ARHGAP25: variants seen among roughly 807,000 people sequenced by gnomAD.
ARHGAP25 encodes the protein rho GTPase-activating protein 25.
A neutral mutation model predicts 71.0 loss-of-function variants in ARHGAP25; 34 were observed. The ratio of observed to expected loss-of-function variants is 0.48; its 90% confidence interval spans 0.36 to 0.64. The LOEUF is 0.64. Ranked by LOEUF, ARHGAP25 falls within the 30% of genes least tolerant of loss-of-function variation. The pLI is 0.00. For synonymous variants in ARHGAP25, 282 were observed against 296.5 expected (o/e 0.95, Z 0.50); for missense variants, 706 against 805.1 (o/e 0.88, Z 1.49).
At chr2:68,816,470 A>G (rs1055141205) in intron 7 of ARHGAP25, 108 bp downstream of exon 7, 1 of 858,638 alleles carries the variant, frequency 1.2e-6, no homozygotes, top group Non-Finnish European at 1.9e-6. Flanking sequence ...CTGGTCTAGC[A>G]CTTTGGAAGA....
At chr2:68,747,479 T>G (rs1675904930) in intron 1 of ARHGAP25, among the ~76,000 whole-genome samples, 2 of 152,228 alleles carry the variant, frequency 1.3e-5, no homozygotes. Flanking sequence ...TCTGTGAAGC[T>G]GGCTCCGGTC....
intron 2 of ARHGAP25, among the ~76,000 whole-genome samples, chr2:68,777,514 T>C (rs1362861640): frequency 6.6e-6 from 1 of 152,234 alleles, no homozygotes; most frequent in Non-Finnish European, 1.5e-5. Flanking sequence ...TTCTCCTCCT[T>C]ACTTCTGGGA....
At chr2:68,768,076 G>A (rs1327643825) in intron 1 of ARHGAP25, among the ~76,000 whole-genome samples, 1 of 152,178 alleles carries the variant, frequency 6.6e-6, no homozygotes, top group Non-Finnish European at 1.5e-5. Flanking sequence ...GCTTAGGTAT[G>A]GATATTGGGC....
At chr2:68,763,539 A>T (rs1309588860) in intron 1 of ARHGAP25, among the ~76,000 whole-genome samples, 1 of 152,240 alleles carries the variant, frequency 6.6e-6, no homozygotes, top group Non-Finnish European at 1.5e-5. Context: ...TATAACTAAC[A>T]TTTAATATAA....
intron 1 of ARHGAP25, among the ~76,000 whole-genome samples, chr2:68,770,150 G>A (rs886728177): frequency 2.6e-4 from 40 of 152,182 alleles, no homozygotes; most frequent in Admixed American, 2.2e-3. Context: ...TTGGGCATGT[G>A]TGTCAGTGTT....
At chr2:68,803,060 T>C (rs775038272) in intron 4 of ARHGAP25, among the ~76,000 whole-genome samples, 2 of 152,146 alleles carry the variant, frequency 1.3e-5, no homozygotes, top group Non-Finnish European at 2.9e-5. Flanking sequence ...TAATAAGTTA[T>C]AAGTTTATAG....
intron 1 of ARHGAP25, among the ~76,000 whole-genome samples, chr2:68,737,434 G>A (rs899047208): frequency 2.6e-5 from 4 of 152,128 alleles, no homozygotes; most frequent in African/African-American, 7.2e-5. Context: ...TTTTTGTTGT[G>A]GGGCCTGTCC....
intron 1 of ARHGAP25, among the ~76,000 whole-genome samples, chr2:68,773,529 T>C (rs896199423): frequency 3.3e-5 from 5 of 152,116 alleles, no homozygotes; most frequent in Admixed American, 2.6e-4. Flanking sequence ...AAGGTGAGGA[T>C]TGAAAAATTA....
At chr2:68,789,170 C>T (rs1460021168) in intron 4 of ARHGAP25, among the ~76,000 whole-genome samples, 1 of 151,982 alleles carries the variant, frequency 6.6e-6, no homozygotes, top group Non-Finnish European at 1.5e-5. Context: ...GTAGCTGGGA[C>T]TACAGGCGCC....
chr2:68,748,754 T>C (rs186116288), intron 1 of ARHGAP25, among the ~76,000 whole-genome samples: 1 of 152,308 alleles, frequency 6.6e-6, no homozygotes, highest in African/African-American at 2.4e-5. Context: ...TGGAACAGCA[T>C]GTGGGTGACT....
rs573259567 is a variant in ARHGAP25, at chr2:68,727,208, C to T, written c.-18+16510C>T. Among the ~76,000 whole-genome samples, 8 of 152,240 alleles carry T rather than the reference C, an allele frequency of 5.3e-5. No homozygotes were observed. In the South Asian group the frequency reaches 6.2e-4, roughly 12 times the overall value. Reference sequence around the variant, plus strand: ...GGGGGCCCACGTTCAAATGCCTGCACGAGCCAGGTGGGAAATACAAGCGAG... The same window carrying T: ...GGGGGCCCACGTTCAAATGCCTGCATGAGCCAGGTGGGAAATACAAGCGAG... On this transcript the variant is annotated intron_variant and NMD_transcript_variant, in intron 2 of 7. Coordinates refer to the ARHGAP25 transcript ENST00000463483.
chr2:68,766,012 A>AC (rs1426362856), intron 1 of ARHGAP25, among the ~76,000 whole-genome samples: 1 of 152,144 alleles, frequency 6.6e-6, no homozygotes, highest in Non-Finnish European at 1.5e-5. Flanking sequence ...CCTGTGAATT[A>AC]CTCAGGCCAT....
rs80040295 is a variant in ARHGAP25, at chr2:68,738,306, C to T, written c.61+3046C>T. Reference sequence around the variant, plus strand: ...TTACAGGGCTTTCTTGAAAGAGTTACATGGCTTCCCAATGACCAGGCCAGT... The same window carrying T: ...TTACAGGGCTTTCTTGAAAGAGTTATATGGCTTCCCAATGACCAGGCCAGT... On this transcript the variant is annotated intron_variant, in intron 1 of 10. Transcript: ENST00000409202. Among the ~76,000 whole-genome samples, 400 of 152,312 alleles carry T rather than the reference C, an allele frequency of 2.6e-3. 3 individuals carry two copies. Among genetic ancestry groups the T allele is most frequent in the African/African-American group, 9.3e-3 (388 of 41,566 alleles).
chr2:68,753,729 G>A (rs530811400), intron 1 of ARHGAP25, among the ~76,000 whole-genome samples: 4 of 152,086 alleles, frequency 2.6e-5, no homozygotes, highest in African/African-American at 7.2e-5. Context: ...TCAACAAGTC[G>A]CTGTAGAATA....
rs781613158 is a variant in ARHGAP25, at chr2:68,822,635, G to C, written c.1496G>C (p.Arg499Pro). ...QDLRQLSDSQ[R>P]TSTYDNVPSL... ...TTGCGCCAACTTTCTGACTCCCAAC[G>C]GACTTCCACCTACGATAACGTCCCT... The change falls in exon 10 of 11, where the codon CGG (arginine) becomes CCG (proline). Residue 499 changes from arginine to proline, a missense_variant. Transcript: ENST00000409202. The C allele has an allele frequency of 1.9e-6, 3 of 1,613,990 alleles. No homozygotes were observed. In the African/African-American group the frequency reaches 4.0e-5, roughly 22 times the overall value.
At chr2:68,774,803 G>A in intron 1 of ARHGAP25, 1 of 1,086,720 alleles carries the variant, frequency 9.2e-7, no homozygotes, top group Non-Finnish European at 1.1e-6. Flanking sequence ...GACTCACCCC[G>A]AGCCTTCAGA....
intron 1 of ARHGAP25, among the ~76,000 whole-genome samples, chr2:68,748,801 A>G (rs1386084848): frequency 2.0e-5 from 3 of 152,198 alleles, no homozygotes; most frequent in Non-Finnish European, 2.9e-5. Flanking sequence ...TCAGGTCTTA[A>G]GTCATTAAGG....
At chr2:68,800,160 A>C (rs1679864586) in intron 4 of ARHGAP25, among the ~76,000 whole-genome samples, 1 of 151,234 alleles carries the variant, frequency 6.6e-6, no homozygotes, top group African/African-American at 2.4e-5. Flanking sequence ...CCTGGGAAGG[A>C]GGTATCAGTG....
chr2:68,754,704 T>G (rs996920608), intron 1 of ARHGAP25, among the ~76,000 whole-genome samples: 2 of 152,230 alleles, frequency 1.3e-5, no homozygotes, highest in African/African-American at 4.8e-5. Flanking sequence ...CTACTGGCCA[T>G]GTATAGAAAT....
Sources: allele counts gnomAD v4.1 joint callset (sites outside exome capture counted in the v4.1 genomes callset), GRCh38; gene constraint gnomAD v4.1.1; transcripts MANE v1.5; gene names NCBI Gene and HGNC (gene_info 2026-07-23, HGNC 2026-07-21).